The following NMNAT3 variants were observed in gnomAD, a reference collection of about 807,000 sequenced individuals.
NMNAT3 encodes the protein nicotinamide nucleotide adenylyltransferase 3.
NMNAT3 carries 21 observed loss-of-function variants against 24.8 expected under a neutral mutation model. The observed-to-expected ratio is 0.85, with a 90% CI of 0.60 to 1.22. The LOEUF (loss-of-function observed/expected upper bound fraction) is 1.22. NMNAT3 is among the 50% of genes most tolerant of loss of function. The pLI is 0.00. For missense variants in NMNAT3, 387 were observed against 436.6 expected (o/e 0.89, Z 1.01); for synonymous variants, 136 against 155.2 (o/e 0.88, Z 0.92).
At chr3:139,599,187 A>G (rs2054602813) in intron 3 of NMNAT3, 3 of 585,736 alleles carry the variant, frequency 5.1e-6, no homozygotes, top group Non-Finnish European at 9.0e-6. Flanking sequence ...AAAAATTACC[A>G]TACATATTTA....
intron 3 of NMNAT3, among the ~76,000 whole-genome samples, chr3:139,591,302 T>C (rs1253727719): frequency 6.6e-6 from 1 of 151,998 alleles, no homozygotes; most frequent in Admixed American, 6.6e-5. Context: ...ATCCCACACC[T>C]GGCTCAGAGG....
intron 1 of NMNAT3, among the ~76,000 whole-genome samples, chr3:139,657,813 G>T (rs1191810207): frequency 1.3e-5 from 2 of 151,086 alleles, no homozygotes; most frequent in African/African-American, 4.9e-5. Flanking sequence ...TGGGGGTTTT[G>T]CTGTGGGGGG....
chr3:139,661,756 ATTTAC>A (rs1240291010), intron 1 of NMNAT3, among the ~76,000 whole-genome samples: 2 of 152,154 alleles, frequency 1.3e-5, no homozygotes, highest in African/African-American at 4.8e-5. Context: ...ATACTTCTAT[ATTTAC>A]TTCACCTTTT....
intron 1 of NMNAT3, among the ~76,000 whole-genome samples, chr3:139,642,173 A>C (rs1037606123): frequency 1.3e-5 from 2 of 152,102 alleles, no homozygotes; most frequent in Admixed American, 6.5e-5. Flanking sequence ...AACTATATTA[A>C]CCTTGTGCAG....
chr3:139,583,557 C>A, intron 3 of NMNAT3: 1 of 759,952 alleles, frequency 1.3e-6, no homozygotes, highest in Non-Finnish European at 2.4e-6. Context: ...TTATTTTCTT[C>A]ACTTCATTTG....
At position 139,638,043 on chromosome 3, in the gene NMNAT3, A is replaced by G. The variant is rs923194858; in HGVS notation, c.-121T>C. ...GAGCAGCAGTCCGCTTCATGGCAGGATCTAGGCTGAAGCAGGTAGCTGTGG... is the reference window on the plus strand; with the variant it reads ...GAGCAGCAGTCCGCTTCATGGCAGGGTCTAGGCTGAAGCAGGTAGCTGTGG... On this transcript the variant is annotated 5_prime_UTR_variant, in exon 2 of 7. Coordinates refer to ENST00000643695, the MANE Select transcript of NMNAT3 (RefSeq NM_001320510.2). 6.6e-6 allele frequency: 1 copy of G among 152,200 alleles called. No individual in the cohort carries two copies. The highest frequency in any genetic ancestry group is 1.5e-5 in the Non-Finnish European group (1 of 68,076). The allele number at this position is 152,200 out of a possible 1,614,324, so 9.4% of individuals were successfully genotyped here. A position where few individuals can be genotyped will look rare whatever the true frequency, so the allele number is the denominator to read the frequency against.
At chr3:139,663,950 T>G (rs2057498662) in intron 1 of NMNAT3, among the ~76,000 whole-genome samples, 2 of 152,166 alleles carry the variant, frequency 1.3e-5, no homozygotes, top group South Asian at 4.1e-4. Flanking sequence ...CACACAAATC[T>G]GAAGTCAACT....
intron 3 of NMNAT3, among the ~76,000 whole-genome samples, chr3:139,594,759 C>T (rs1019441559): frequency 2.0e-4 from 30 of 152,294 alleles, no homozygotes; most frequent in Non-Finnish European, 1.5e-5. Flanking sequence ...AAAAATTCAA[C>T]AACCCTTCAT....
chr3:139,629,190 T>C (rs1181968529), intron 2 of NMNAT3, among the ~76,000 whole-genome samples: 2 of 152,234 alleles, frequency 1.3e-5, no homozygotes, highest in East Asian at 3.8e-4. Flanking sequence ...CTCACCCTGA[T>C]GCAGCCAGCA....
intron 6 of NMNAT3, chr3:139,565,380 A>ACTT (rs1007876579): frequency 3.3e-5 from 5 of 152,140 alleles, no homozygotes; most frequent in African/African-American, 9.7e-5. Context: ...TTATTATTGT[A>ACTT]CTTTAAGTTT....
At chr3:139,620,384 A>C (rs2055711482) in intron 3 of NMNAT3, among the ~76,000 whole-genome samples, 1 of 152,050 alleles carries the variant, frequency 6.6e-6, no homozygotes, top group South Asian at 2.1e-4. Context: ...CTGTAGATTA[A>C]TTTATATTTT....
intron 4 of NMNAT3, 37 bp from the exon 5 acceptor site, chr3:139,579,092 C>T: frequency 6.4e-7 from 1 of 1,564,028 alleles, no homozygotes. Context: ...CACATACAGA[C>T]AGATGCTCAC....
In NMNAT3 at chr3:139,614,351, T is replaced by C. The variant is rs546100708; in HGVS notation, c.109+13265A>G. 6.6e-5 allele frequency among the ~76,000 whole-genome samples: 10 copies of C among 152,320 alleles called. No homozygotes were observed. The South Asian group carries it at 2.1e-3, about 32-fold the overall frequency. ...TGACTACTTCCCTACTTTCTGCTAGTCTACCAGACTCTCTGCTCTCACCAA... is the reference window on the plus strand; with the variant it reads ...TGACTACTTCCCTACTTTCTGCTAGCCTACCAGACTCTCTGCTCTCACCAA... On this transcript the variant is annotated intron_variant, in intron 3 of 6. Transcript: ENST00000643695.
intron 3 of NMNAT3, among the ~76,000 whole-genome samples, chr3:139,608,840 A>G (rs2055061794): frequency 2.0e-5 from 3 of 152,184 alleles, no homozygotes; most frequent in Admixed American, 6.5e-5. Context: ...CTTCACTTCC[A>G]TCACTATAAG....
rs1160559942 is a variant in NMNAT3 at position 139,560,816 on chromosome 3, G to T, written c.*194C>A. 3 of 583,876 alleles carry T rather than the reference G, an allele frequency of 5.1e-6. No homozygotes were observed. Among genetic ancestry groups the T allele is most frequent in the Non-Finnish European group, 9.0e-6 (3 of 333,552 alleles). The allele number at this position is 583,876 out of a possible 1,614,324, so 36.2% of individuals were successfully genotyped here. ...ACTTCTTTGATAAATGTCTATCCTT[G>T]TGATTTAGACCTTTCCTCTCCTGTA... On this transcript the variant is annotated 3_prime_UTR_variant, in exon 7 of 7. Coordinates refer to ENST00000643695, the MANE Select transcript of NMNAT3 (RefSeq NM_001320510.2).
At chr3:139,612,405 G>A (rs1049714358) in intron 3 of NMNAT3, among the ~76,000 whole-genome samples, 2 of 152,142 alleles carry the variant, frequency 1.3e-5, no homozygotes, top group Non-Finnish European at 2.9e-5. Flanking sequence ...CCTTATCCAG[G>A]CATTTGACAA....
At chr3:139,642,066 T>C (rs2056722696) in intron 1 of NMNAT3, among the ~76,000 whole-genome samples, 1 of 152,154 alleles carries the variant, frequency 6.6e-6, no homozygotes, top group Admixed American at 6.5e-5. Context: ...CCCTTTTCTG[T>C]CTCTTCTTTC....
At chr3:139,604,730 GT>G (rs1180105277) in intron 3 of NMNAT3, among the ~76,000 whole-genome samples, 1 of 152,198 alleles carries the variant, frequency 6.6e-6, no homozygotes, top group African/African-American at 2.4e-5. Flanking sequence ...TACATCAGTT[GT>G]ATAAATATAT....
chr3:139,636,974 A>G (rs1210594378), intron 2 of NMNAT3: 1 of 152,168 alleles, frequency 6.6e-6, no homozygotes, highest in Non-Finnish European at 1.5e-5. Flanking sequence ...GTCCTACTAC[A>G]TTTGTGTAGG....
Sources: allele counts gnomAD v4.1 joint callset (sites outside exome capture counted in the v4.1 genomes callset), GRCh38; gene constraint gnomAD v4.1.1; transcripts MANE v1.5; gene names NCBI Gene and HGNC (gene_info 2026-07-23, HGNC 2026-07-21).